The following ZNF804B variants were observed in gnomAD, a reference collection of about 807,000 sequenced individuals.
ZNF804B encodes zinc finger protein 804B, also known as zinc finger 804B.
A neutral mutation model predicts 101.4 loss-of-function variants in ZNF804B; 80 were observed. The ratio of observed to expected loss-of-function variants is 0.79; its 90% CI spans 0.66 to 0.95. The LOEUF (loss-of-function observed/expected upper bound fraction) is 0.95, where lower values mean the gene tolerates loss of function less well. Among genes scored for constraint, ZNF804B ranks in the 40% least tolerant of loss-of-function variants. The pLI is 0.00. For synonymous variants in ZNF804B, 622 were observed against 558.8 expected (o/e 1.11, Z -1.59); for missense variants, 1,673 against 1,561.9 (o/e 1.07, Z -1.20).
At position 89,219,997 on chromosome 7, in the gene ZNF804B, G is replaced by GTATACACACA. The variant is rs1788966103; in HGVS notation, c.249+1706_249+1707insCACACATATA. On this transcript the variant is annotated intron_variant, in intron 2 of 3. Coordinates refer to ENST00000333190, the MANE Select transcript of ZNF804B (RefSeq NM_181646.5). ...TGTATATACATATGTGTGCATATAT[G>GTATACACACA]TATATGCACATATATGTGTGTATAC... is the stretch of plus-strand genomic sequence containing the variant. 3.6e-5 allele frequency among the ~76,000 whole-genome samples: 2 copies of GTATACACACA among 55,814 alleles called. 1 individual carries two copies. The highest frequency in any genetic ancestry group is 6.9e-5 in the Non-Finnish European group (2 of 28,846). The allele number at this position is 55,814 out of a possible 152,430, so 36.6% of individuals were successfully genotyped here. A position where few individuals can be genotyped will look rare whatever the true frequency, so the allele number is the denominator to read the frequency against.
chr7:89,283,130 A>G (rs1790125947), intron 2 of ZNF804B, among the ~76,000 whole-genome samples: 2 of 152,222 alleles, frequency 1.3e-5, no homozygotes, highest in Admixed American at 1.3e-4. Flanking sequence ...TGTTCAGGAT[A>G]CTTTAAACAT....
chr7:88,934,540 A>C (rs1174265003), intron 1 of ZNF804B, among the ~76,000 whole-genome samples: 2 of 152,062 alleles, frequency 1.3e-5, no homozygotes, highest in Admixed American at 6.6e-5. Context: ...AAGGAACTCA[A>C]ATCGGCAAGA....
chr7:88,890,668 C>T (rs539621754), intron 1 of ZNF804B, among the ~76,000 whole-genome samples: 43 of 152,078 alleles, frequency 2.8e-4, no homozygotes, highest in South Asian at 1.0e-3. Flanking sequence ...AATGGAACCA[C>T]GTTTTATGGT....
At chr7:89,004,161 A>T (rs192347567) in intron 1 of ZNF804B, among the ~76,000 whole-genome samples, 62 of 151,926 alleles carry the variant, frequency 4.1e-4, no homozygotes, top group African/African-American at 1.3e-3. Context: ...GAGATTTTAA[A>T]ATGTATTCAA....
intron 1 of ZNF804B, among the ~76,000 whole-genome samples, chr7:89,196,302 T>A (rs1788551103): frequency 6.6e-6 from 1 of 151,642 alleles, no homozygotes; most frequent in South Asian, 2.1e-4. Flanking sequence ...TGGAACAGAA[T>A]AGAGAATTCG....
chr7:89,009,069 T>C (rs1223561027), intron 1 of ZNF804B, among the ~76,000 whole-genome samples: 1 of 152,308 alleles, frequency 6.6e-6, no homozygotes, highest in African/African-American at 2.4e-5. Context: ...ATTAAATTTC[T>C]GGATTTGAGG....
intron 1 of ZNF804B, among the ~76,000 whole-genome samples, chr7:89,075,387 A>G (rs898456916): frequency 9.2e-5 from 14 of 152,242 alleles, no homozygotes; most frequent in African/African-American, 3.4e-4. Context: ...CACTCCAGCC[A>G]TGACTAAAAG....
intron 1 of ZNF804B, among the ~76,000 whole-genome samples, chr7:88,929,547 A>G (rs10232922): frequency 0.17 from 26,401 of 151,792 alleles, 2,520 homozygotes; most frequent in South Asian, 0.24. Flanking sequence ...CACGTCTTGT[A>G]CAGTTTGTAT....
intron 2 of ZNF804B, among the ~76,000 whole-genome samples, chr7:89,297,950 A>T (rs1027634815): frequency 6.7e-6 from 1 of 149,358 alleles, no homozygotes; most frequent in Admixed American, 6.7e-5. Context: ...TGGGTCTAGG[A>T]TCTAATCTAG....
At chr7:89,250,177 A>G (rs1789517046) in intron 2 of ZNF804B, among the ~76,000 whole-genome samples, 1 of 150,888 alleles carries the variant, frequency 6.6e-6, no homozygotes, top group African/African-American at 2.5e-5. Flanking sequence ...ACAGAGCAAG[A>G]TTTTGTTTCA....
chr7:89,196,400 G>T (rs1279606163), intron 1 of ZNF804B, among the ~76,000 whole-genome samples: 2 of 152,134 alleles, frequency 1.3e-5, no homozygotes, highest in African/African-American at 4.8e-5. Context: ...TTTAATAAAT[G>T]GTGCTGGGAA....
At chr7:89,087,329 T>C (rs1399885031) in intron 1 of ZNF804B, among the ~76,000 whole-genome samples, 1 of 139,628 alleles carries the variant, frequency 7.2e-6, no homozygotes, top group African/African-American at 2.8e-5. Flanking sequence ...ATCATATATT[T>C]TCTGATTATA....
chr7:88,838,127 A>G (rs562947284), intron 1 of ZNF804B, among the ~76,000 whole-genome samples: 3 of 151,876 alleles, frequency 2.0e-5, no homozygotes, highest in Admixed American at 6.6e-5. Flanking sequence ...AATCACTGTA[A>G]TATCATATAC....
intron 1 of ZNF804B, among the ~76,000 whole-genome samples, chr7:88,774,041 A>G (rs1790108224): frequency 6.6e-6 from 1 of 152,074 alleles, no homozygotes; most frequent in African/African-American, 2.4e-5. Flanking sequence ...AAGTGAGGTA[A>G]GGGGCATCTG....
At chr7:89,021,304 G>A (rs1041532763) in intron 1 of ZNF804B, among the ~76,000 whole-genome samples, 1 of 152,142 alleles carries the variant, frequency 6.6e-6, no homozygotes, top group Non-Finnish European at 1.5e-5. Context: ...TTTGCAGGAG[G>A]TGAACTCACA....
intron 1 of ZNF804B, among the ~76,000 whole-genome samples, chr7:88,771,664 A>T (rs112024270): frequency 0.027 from 4,165 of 152,224 alleles, 205 homozygotes; most frequent in African/African-American, 0.092. Flanking sequence ...AATACTGATT[A>T]GGCACAAATG....
chr7:88,891,999 A>C (rs1204509702), intron 1 of ZNF804B, among the ~76,000 whole-genome samples: 3 of 152,066 alleles, frequency 2.0e-5, no homozygotes, highest in African/African-American at 7.2e-5. Context: ...TTCATGTGCA[A>C]ATTTAACATA....
intron 1 of ZNF804B, among the ~76,000 whole-genome samples, chr7:88,917,740 A>C (rs1792657431): frequency 6.6e-6 from 1 of 152,176 alleles, no homozygotes; most frequent in Admixed American, 6.5e-5. Flanking sequence ...AATACACAAA[A>C]GAGGGATGGG....
At chr7:89,151,507 T>G (rs1161163872) in intron 1 of ZNF804B, among the ~76,000 whole-genome samples, 1 of 152,086 alleles carries the variant, frequency 6.6e-6, no homozygotes, top group African/African-American at 2.4e-5. Context: ...CAGAAAATAA[T>G]TTGTTTCACT....
Sources: allele counts gnomAD v4.1 joint callset (sites outside exome capture counted in the v4.1 genomes callset), GRCh38; gene constraint gnomAD v4.1.1; transcripts MANE v1.5; gene names NCBI Gene and HGNC (gene_info 2026-07-23, HGNC 2026-07-21).